IGF2BP3: variants seen among roughly 807,000 people sequenced by gnomAD.
IGF2BP3 encodes the protein insulin like growth factor 2 mRNA binding protein 3.
IGF2BP3 carries 9 observed loss-of-function variants against 73.8 expected under a neutral mutation model. The observed-to-expected ratio is 0.12, with a 90% CI of 0.07 to 0.21. The LOEUF (loss-of-function observed/expected upper bound fraction) is 0.21, where lower values mean the gene tolerates loss of function less well. IGF2BP3 is among the 10% of genes least tolerant of loss of function. IGF2BP3 has a pLI of 1.00. For synonymous variants in IGF2BP3, 258 were observed against 256.7 expected, an observed-to-expected ratio of 1.01 and a Z score of -0.05; for missense variants, 542 against 714.0, an observed-to-expected ratio of 0.76 and a Z score of 2.75.
intron 3 of IGF2BP3, among the ~76,000 whole-genome samples, chr7:23,365,458 A>C (rs1354285856): frequency 1.3e-5 from 2 of 152,338 alleles, no homozygotes; most frequent in East Asian, 3.9e-4. Flanking sequence ...CTAAACCTAC[A>C]ATAATGTCAA....
At chr7:23,439,501 G>C (rs1156235072) in intron 2 of IGF2BP3, among the ~76,000 whole-genome samples, 2 of 140,264 alleles carry the variant, frequency 1.4e-5, no homozygotes, top group Admixed American at 1.5e-4. Context: ...AGCTTGCAGT[G>C]AGCCAAGATC....
chr7:23,321,764 C>T (rs367581806), intron 10 of IGF2BP3, among the ~76,000 whole-genome samples: 13 of 152,278 alleles, frequency 8.5e-5, no homozygotes, highest in East Asian at 5.8e-4. Flanking sequence ...GGTCCCTGAC[C>T]CCTGACCCCC....
intron 7 of IGF2BP3, 26 bp from the exon 8 acceptor site, chr7:23,346,088 A>C (rs764845866): frequency 1.3e-6 from 2 of 1,594,900 alleles, no homozygotes; most frequent in Non-Finnish European, 8.5e-7. Context: ...TGGCCATAAA[A>C]TTAGAATAAG....
At chr7:23,439,049 C>T (rs976042593) in intron 2 of IGF2BP3, among the ~76,000 whole-genome samples, 5 of 152,068 alleles carry the variant, frequency 3.3e-5, no homozygotes, top group Non-Finnish European at 7.4e-5. Flanking sequence ...TAAAGACCAG[C>T]CTGGGCAACG....
At chr7:23,415,833 TC>T (rs1787174795) in intron 3 of IGF2BP3, among the ~76,000 whole-genome samples, 1 of 152,206 alleles carries the variant, frequency 6.6e-6, no homozygotes, top group Non-Finnish European at 1.5e-5. Context: ...TTCTCTTTGT[TC>T]TTTCGCCTTT....
rs563080536 is a variant in IGF2BP3 at position 23,312,853 on chromosome 7, AAG to A, written c.1528-7_1528-6del. ...CAAATTCTGAAGTTCATTCACCTGA[AAG>A]AGATAAATATAAATCACATTAAGTG... On this transcript the variant is annotated splice_region_variant and splice_polypyrimidine_tract_variant and intron_variant, in intron 13 of 14. Transcript: ENST00000258729. 1.0e-3 allele frequency: 1,609 copies of A among 1,585,552 alleles called. 6 individuals carry two copies. The African/African-American group carries it at 0.02, about 19-fold the overall frequency.
chr7:23,456,310 C>T (rs574005649), intron 2 of IGF2BP3, among the ~76,000 whole-genome samples: 1 of 151,656 alleles, frequency 6.6e-6, no homozygotes, highest in Non-Finnish European at 1.5e-5. Flanking sequence ...CACAGGTTCT[C>T]TTAACTAGAT....
At chr7:23,450,947 G>A (rs922458570) in intron 2 of IGF2BP3, among the ~76,000 whole-genome samples, 11 of 152,140 alleles carry the variant, frequency 7.2e-5, no homozygotes, top group Admixed American at 4.6e-4. Flanking sequence ...AAGAATATCT[G>A]TAATTATTTA....
In IGF2BP3 at chr7:23,311,201, C is replaced by G. The variant is rs1445479974; in HGVS notation, c.*1161G>C. The G allele has an allele frequency of 1.3e-5, 2 of 152,078 alleles. No homozygotes were observed. The highest frequency in any genetic ancestry group is 2.9e-5 in the Non-Finnish European group (2 of 68,008). 9.4% of individuals were successfully genotyped at this position (152,078 alleles called of 1,614,324 possible). ...CAGTGCTGGCCCCATGGAAATGTAG[C>G]CTTTTGTTGCGTTTAAACACTGTCA... On this transcript the variant is annotated 3_prime_UTR_variant, in exon 15 of 15. Transcript: ENST00000258729.
intron 3 of IGF2BP3, among the ~76,000 whole-genome samples, chr7:23,388,232 C>T (rs146180651): frequency 5.3e-5 from 8 of 152,192 alleles, no homozygotes; most frequent in African/African-American, 9.6e-5. Flanking sequence ...CCACTGTGCC[C>T]GGCCTAGAAT....
At chr7:23,455,197 A>G (rs527971657) in intron 2 of IGF2BP3, among the ~76,000 whole-genome samples, 1 of 152,312 alleles carries the variant, frequency 6.6e-6, no homozygotes, top group South Asian at 2.1e-4. Context: ...CACATGAAGA[A>G]TGAGAATAAT....
chr7:23,391,503 G>A (rs1006586196), intron 3 of IGF2BP3, among the ~76,000 whole-genome samples: 1 of 152,178 alleles, frequency 6.6e-6, no homozygotes, highest in Non-Finnish European at 1.5e-5. Flanking sequence ...TTTAACAGCT[G>A]TAATGGGTTT....
At chr7:23,361,665 T>C in intron 4 of IGF2BP3, 25 bp downstream of exon 4, 12 of 1,613,848 alleles carry the variant, frequency 7.4e-6, no homozygotes, top group Admixed American at 1.7e-5. Context: ...TTTACAAATT[T>C]GAAAGCAATT....
chr7:23,392,539 C>T (rs1262332213), intron 3 of IGF2BP3, among the ~76,000 whole-genome samples: 1 of 151,674 alleles, frequency 6.6e-6, no homozygotes, highest in African/African-American at 2.4e-5. Flanking sequence ...CACACACACA[C>T]ACAAATATAC....
At chr7:23,316,956 G>A (rs565607941) in intron 12 of IGF2BP3, among the ~76,000 whole-genome samples, 2 of 152,294 alleles carry the variant, frequency 1.3e-5, no homozygotes, top group Non-Finnish European at 2.9e-5. Context: ...ACCTTAGGAT[G>A]TAGGTGCTCT....
At chr7:23,322,989 A>C (rs528117563) in intron 10 of IGF2BP3, among the ~76,000 whole-genome samples, 3 of 152,218 alleles carry the variant, frequency 2.0e-5, no homozygotes, top group Non-Finnish European at 2.9e-5. Context: ...AAAGACCATC[A>C]AGACTAGGAA....
At chr7:23,394,939 T>C (rs1190140043) in intron 3 of IGF2BP3, among the ~76,000 whole-genome samples, 1 of 152,218 alleles carries the variant, frequency 6.6e-6, no homozygotes, top group Non-Finnish European at 1.5e-5. Flanking sequence ...AATAATGGAA[T>C]ACTGGAAGTG....
chr7:23,312,642 A>C, intron 14 of IGF2BP3, 93 bp downstream of exon 14: 1 of 1,006,072 alleles, frequency 9.9e-7, no homozygotes, highest in Non-Finnish European at 1.5e-6. Flanking sequence ...TAAGCATCAA[A>C]CAACCTTAAC....
intron 2 of IGF2BP3, among the ~76,000 whole-genome samples, chr7:23,425,857 G>A (rs955295498): frequency 2.0e-5 from 3 of 151,908 alleles, no homozygotes; most frequent in Non-Finnish European, 2.9e-5. Flanking sequence ...CCAGCTACTC[G>A]GGAGGCTGAG....
Sources: allele counts gnomAD v4.1 joint callset (sites outside exome capture counted in the v4.1 genomes callset), GRCh38; gene constraint gnomAD v4.1.1; transcripts MANE v1.5; gene names NCBI Gene and HGNC (gene_info 2026-07-23, HGNC 2026-07-21).